THSD4: variants seen among roughly 807,000 people sequenced by gnomAD.
THSD4 encodes thrombospondin type 1 domain containing 4.
Under a neutral mutation model 119.0 loss-of-function variants are expected in THSD4, and 69 were observed. The ratio of observed to expected loss-of-function variants is 0.58; its 90% CI spans 0.48 to 0.71. The LOEUF (loss-of-function observed/expected upper bound fraction) is 0.71, where lower values mean the gene tolerates loss of function less well. THSD4 is among the 30% of genes least tolerant of loss of function. THSD4 has a pLI of 0.00. For synonymous variants in THSD4, 524 were observed against 540.4 expected, an observed-to-expected ratio of 0.97 and a Z score of 0.42; for missense variants, 1,393 against 1,391.1, an observed-to-expected ratio of 1.00 and a Z score of -0.02.
intron 7 of THSD4, among the ~76,000 whole-genome samples, chr15:71,466,640 C>A (rs910145670): frequency 6.6e-6 from 1 of 152,220 alleles, no homozygotes; most frequent in Non-Finnish European, 1.5e-5. Context: ...GCCTCCATCA[C>A]CTTTTGCCCA....
chr15:71,126,007 T>C (rs1345966319), intron 1 of THSD4, among the ~76,000 whole-genome samples: 1 of 152,198 alleles, frequency 6.6e-6, no homozygotes, highest in Non-Finnish European at 1.5e-5. Context: ...ATTATTCTGT[T>C]GGGCAGGGGG....
chr15:71,316,445 C>G (rs2045187784), intron 6 of THSD4, among the ~76,000 whole-genome samples: 1 of 152,220 alleles, frequency 6.6e-6, no homozygotes, highest in South Asian at 2.1e-4. Context: ...ATGATGGTGA[C>G]TGGCCCACTT....
chr15:71,144,093 G>T (rs187932598), intron 2 of THSD4, among the ~76,000 whole-genome samples: 2 of 152,160 alleles, frequency 1.3e-5, no homozygotes, highest in East Asian at 3.9e-4. Flanking sequence ...CCTGCTGCAG[G>T]GATTGTTTGA....
chr15:71,496,038 A>G (rs1242443441), intron 7 of THSD4, among the ~76,000 whole-genome samples: 1 of 152,212 alleles, frequency 6.6e-6, no homozygotes, highest in Non-Finnish European at 1.5e-5. Context: ...GCCTGGTAGC[A>G]GAAGCTTCTC....
At chr15:71,586,437 G>A (rs2049672654) in intron 7 of THSD4, among the ~76,000 whole-genome samples, 1 of 152,108 alleles carries the variant, frequency 6.6e-6, no homozygotes, top group South Asian at 2.1e-4. Flanking sequence ...AAGCTCACTG[G>A]TTGTTGCCAG....
intron 7 of THSD4, among the ~76,000 whole-genome samples, chr15:71,415,882 C>T (rs191100880): frequency 4.0e-4 from 61 of 152,262 alleles, no homozygotes; most frequent in African/African-American, 3.1e-4. Flanking sequence ...CTGCAGCCCC[C>T]GCCTCCCAGG....
At chr15:71,398,978 A>T (rs1317450425) in intron 6 of THSD4, among the ~76,000 whole-genome samples, 1 of 151,956 alleles carries the variant, frequency 6.6e-6, no homozygotes, top group Non-Finnish European at 1.5e-5. Context: ...TCCAAGCAGG[A>T]TGGGAGTAGG....
At chr15:71,740,308 A>G (rs1382155683) in intron 11 of THSD4, among the ~76,000 whole-genome samples, 3 of 152,218 alleles carry the variant, frequency 2.0e-5, no homozygotes, top group East Asian at 1.9e-4. Context: ...GGTAAGCAGT[A>G]TGTAACATAA....
At chr15:71,591,575 G>A (rs746848069) in intron 7 of THSD4, among the ~76,000 whole-genome samples, 1 of 152,106 alleles carries the variant, frequency 6.6e-6, no homozygotes, top group Non-Finnish European at 1.5e-5. Flanking sequence ...ACACTGAAAG[G>A]GAGAGTTCAA....
chr15:71,277,299 T>C (rs1339469794), intron 6 of THSD4, among the ~76,000 whole-genome samples: 1 of 152,042 alleles, frequency 6.6e-6, no homozygotes, highest in Non-Finnish European at 1.5e-5. Flanking sequence ...CTAATGTTTG[T>C]ATTTGTAGTA....
chr15:71,375,628 G>A (rs1176267850), intron 6 of THSD4, among the ~76,000 whole-genome samples: 3 of 152,176 alleles, frequency 2.0e-5, no homozygotes, highest in Non-Finnish European at 4.4e-5. Context: ...GGGGTCATTT[G>A]AAGCCCAGGA....
At chr15:71,600,739 TC>T (rs371326402) in intron 7 of THSD4, among the ~76,000 whole-genome samples, 1,759 of 129,058 alleles carry the variant, frequency 0.014, 42 homozygotes, top group African/African-American at 0.044. Context: ...TCTTTTTTTT[TC>T]TTTCTTTCTT....
intron 3 of THSD4, among the ~76,000 whole-genome samples, chr15:71,208,971 C>A (rs1195538611): frequency 6.6e-6 from 1 of 152,146 alleles, no homozygotes; most frequent in African/African-American, 2.4e-5. Context: ...TAGCCTCACC[C>A]CATGCAGGGC....
intron 3 of THSD4, among the ~76,000 whole-genome samples, chr15:71,167,647 G>A (rs1395179067): frequency 3.3e-5 from 5 of 152,174 alleles, no homozygotes; most frequent in Non-Finnish European, 5.9e-5. Flanking sequence ...CTGACCCACT[G>A]TTTTGTGGCA....
intron 1 of THSD4, among the ~76,000 whole-genome samples, chr15:71,133,050 T>C (rs952466876): frequency 6.6e-6 from 1 of 152,216 alleles, no homozygotes; most frequent in African/African-American, 2.4e-5. Context: ...GCAGCTCCCA[T>C]GCAGAGCTCA....
chr15:71,226,508 C>T lies in THSD4; in HGVS notation c.464+11109C>T, dbSNP rs117669943. On this transcript the variant is annotated intron_variant, in intron 4 of 17. Coordinates refer to ENST00000261862, the MANE Select transcript of THSD4 (RefSeq NM_024817.3). Reference sequence around the variant, plus strand: ...TTCCCACCTCCCCTGGAAACTGTCCCTGGCTGCAGGTAGGAATCATTTGTT... The same window carrying T: ...TTCCCACCTCCCCTGGAAACTGTCCTTGGCTGCAGGTAGGAATCATTTGTT... Among the ~76,000 whole-genome samples, 1,220 of 152,340 alleles carry T rather than the reference C, an allele frequency of 8.0e-3. 8 individuals are homozygous for T. Among genetic ancestry groups the T allele is most frequent in the Middle Eastern group, 0.031 (9 of 294 alleles).
intron 8 of THSD4, among the ~76,000 whole-genome samples, chr15:71,664,214 C>T (rs2051369550): frequency 6.6e-6 from 1 of 151,954 alleles, no homozygotes; most frequent in South Asian, 2.1e-4. Flanking sequence ...GATCTCCTGA[C>T]CTCGTGATCC....
At chr15:71,616,874 G>A (rs181451782) in intron 7 of THSD4, among the ~76,000 whole-genome samples, 52 of 152,210 alleles carry the variant, frequency 3.4e-4, no homozygotes, top group Middle Eastern at 3.4e-3. Context: ...AAGCTTTCTC[G>A]ATTAGGGCCA....
At chr15:71,099,455 G>C (rs1210110533) in intron 1 of THSD4, among the ~76,000 whole-genome samples, 1 of 151,982 alleles carries the variant, frequency 6.6e-6, no homozygotes, top group Non-Finnish European at 1.5e-5. Context: ...TCTATTGTTA[G>C]GTATACATAC....
Sources: allele counts gnomAD v4.1 joint callset (sites outside exome capture counted in the v4.1 genomes callset), GRCh38; gene constraint gnomAD v4.1.1; transcripts MANE v1.5; gene names NCBI Gene and HGNC (gene_info 2026-07-23, HGNC 2026-07-21).